Variants in TNIP1 observed in about 807,000 individuals in gnomAD.
TNIP1 encodes the protein TNFAIP3 interacting protein 1.
TNIP1 carries 22 observed loss-of-function variants against 86.6 expected under a neutral mutation model. That is an observed-to-expected ratio of 0.25 (90% CI 0.18 to 0.36). The LOEUF (loss-of-function observed/expected upper bound fraction) is 0.36. Among genes scored for constraint, TNIP1 ranks in the 10% least tolerant of loss-of-function variants. TNIP1 has a pLI of 1.00. For synonymous variants in TNIP1, 294 were observed against 313.0 expected (o/e 0.94, Z 0.64); for missense variants, 709 against 820.6 (o/e 0.86, Z 1.66).
chr5:151,035,173 C>G (rs1757533828), intron 14 of TNIP1, 106 bp from the exon 15 acceptor site: 3 of 1,314,374 alleles, frequency 2.3e-6, no homozygotes. Context: ...TGATGCTTCC[C>G]TCTGGGCCAC....
Position 151,030,553 on chromosome 5 carries a change from C to T in TNIP1, c.*160G>A, listed in dbSNP as rs1472366630. 4.3e-6 allele frequency: 5 copies of T among 1,164,180 alleles called. No individual in the cohort carries two copies. Among genetic ancestry groups the T allele is most frequent in the Non-Finnish European group, 6.2e-6 (5 of 808,232 alleles). The allele number at this position is 1,164,180 out of a possible 1,614,324, so 72.1% of individuals were successfully genotyped here. On this transcript the variant is annotated 3_prime_UTR_variant, in exon 18 of 18. Coordinates refer to ENST00000521591, the MANE Select transcript of TNIP1 (RefSeq NM_006058.5). ...GGTGGAGCCTCCCCAGTCCTGTAAA[C>T]AGCTCAGTTCAGGGACTGGTGTACA...
chr5:151,046,871 G>A (rs1215362420), intron 8 of TNIP1, among the ~76,000 whole-genome samples: 1 of 152,120 alleles, frequency 6.6e-6, no homozygotes, highest in Non-Finnish European at 1.5e-5. Flanking sequence ...TAAATAAATG[G>A]GGGAGAAGGG....
intron 11 of TNIP1, among the ~76,000 whole-genome samples, chr5:151,040,461 C>G (rs1758275015): frequency 6.6e-6 from 1 of 152,194 alleles, no homozygotes; most frequent in African/African-American, 2.4e-5. Flanking sequence ...CATCAAGAGG[C>G]TCCCGGATGG....
At chr5:151,033,228 GA>G (rs1286658445) in intron 16 of TNIP1, among the ~76,000 whole-genome samples, 1 of 151,768 alleles carries the variant, frequency 6.6e-6, no homozygotes, top group Non-Finnish European at 1.5e-5. Flanking sequence ...GAGAGGAAAG[GA>G]AAGGAAAGAG....
intron 1 of TNIP1, among the ~76,000 whole-genome samples, chr5:151,076,336 A>C (rs1443129424): frequency 6.6e-6 from 1 of 152,192 alleles, no homozygotes. Context: ...CAGGCACTGC[A>C]GGCATGTGGG....
chr5:151,077,503 C>T (rs978403020), intron 1 of TNIP1, among the ~76,000 whole-genome samples: 1 of 152,196 alleles, frequency 6.6e-6, no homozygotes, highest in African/African-American at 2.4e-5. Flanking sequence ...ACACACTATC[C>T]CATTAATTCC....
At chr5:151,041,615 C>T (rs185210742) in intron 11 of TNIP1, among the ~76,000 whole-genome samples, 6 of 152,354 alleles carry the variant, frequency 3.9e-5, no homozygotes, top group African/African-American at 1.4e-4. Flanking sequence ...AATCCTCCCA[C>T]CTCGGCATCC....
chr5:151,035,552 G>A (rs544929690), intron 14 of TNIP1, 30 bp downstream of exon 14: 1 of 1,614,132 alleles, frequency 6.2e-7, no homozygotes, highest in Admixed American at 1.7e-5. Context: ...GGACAGGCCA[G>A]TTGCCCTTCC....
intron 4 of TNIP1, 23 bp downstream of exon 4, chr5:151,062,104 C>T: frequency 1.2e-6 from 2 of 1,612,416 alleles, no homozygotes; most frequent in Non-Finnish European, 1.7e-6. Context: ...CAACCTCCAC[C>T]CATGACTCCA....
At chr5:151,045,815 G>T in intron 9 of TNIP1, 46 bp downstream of exon 9, 1 of 1,591,038 alleles carries the variant, frequency 6.3e-7, no homozygotes, top group South Asian at 1.1e-5. Flanking sequence ...TGCTGGTCCC[G>T]GGAGGTAAGA....
rs143556268 is a variant in TNIP1, at chr5:151,064,996, G to C, written c.100C>G (p.Arg34Gly). 145 of 1,614,042 alleles carry C rather than the reference G, an allele frequency of 9.0e-5. No individual in the cohort carries two copies. The highest frequency in any genetic ancestry group is 1.2e-4 in the Non-Finnish European group (138 of 1,180,038). The change falls in exon 2 of 18, where the codon CGG (arginine) becomes GGG (glycine). Residue 34 changes from arginine to glycine, a missense_variant. Physicochemically the swap from Arg to Gly is moderately radical, Grantham distance 125 (BLOSUM62 -2). Coordinates refer to ENST00000521591, the MANE Select transcript of TNIP1 (RefSeq NM_006058.5). Reference protein sequence around the residue: ...AFERLVKENSRLKEKMQGIKM... With the variant: ...AFERLVKENSGLKEKMQGIKM... ...ATCCCTTGCATTTTTTCCTTCAGCC[G>C]GGAATTCTCCTTCACTAGGCGCTCA...
In TNIP1 at chr5:151,049,727, CT is replaced by C. The variant is rs1388560416; in HGVS notation, c.846+96del. Reference sequence around the variant, plus strand: ...TAGAACCTTCTACCACTGGCACTGGCTGCAGGAGGGAGGAGGCTCACTGTCA... The same window carrying C: ...TAGAACCTTCTACCACTGGCACTGGCGCAGGAGGGAGGAGGCTCACTGTCA... On this transcript the variant is annotated intron_variant, in intron 8 of 17. Coordinates refer to ENST00000521591, the MANE Select transcript of TNIP1 (RefSeq NM_006058.5). 9 of 1,451,508 alleles carry C rather than the reference CT, an allele frequency of 6.2e-6. No homozygotes were observed. In the African/African-American group the frequency reaches 7.0e-5, roughly 11 times the overall value. 89.9% of individuals were successfully genotyped at this position (1,451,508 alleles called of 1,614,324 possible).
intron 6 of TNIP1, among the ~76,000 whole-genome samples, chr5:151,055,502 C>A (rs1345111665): frequency 6.6e-6 from 1 of 152,208 alleles, no homozygotes; most frequent in Non-Finnish European, 1.5e-5. Context: ...TGAAGCCTCA[C>A]TGACATCTTA....
rs532395860 is a variant in TNIP1 at position 151,062,078 on chromosome 5, T to A, written c.357+49A>T. 2.0e-6 allele frequency: 3 copies of A among 1,529,504 alleles called. No homozygotes were observed. In the South Asian group the frequency reaches 3.4e-5, roughly 17 times the overall value. The allele number at this position is 1,529,504 out of a possible 1,614,324, so 94.7% of individuals were successfully genotyped here. On this transcript the variant is annotated intron_variant, in intron 4 of 17. Coordinates refer to ENST00000521591, the MANE Select transcript of TNIP1 (RefSeq NM_006058.5). Reference sequence around the variant, plus strand: ...ATGTTCTTGTATCTGTCAGTAGGACTTGAGGTCCATCCAGGCAACCTCCAC... The same window carrying A: ...ATGTTCTTGTATCTGTCAGTAGGACATGAGGTCCATCCAGGCAACCTCCAC...
At chr5:151,046,210 T>C in intron 8 of TNIP1, 1 of 477,776 alleles carries the variant, frequency 2.1e-6, no homozygotes, top group Non-Finnish European at 3.8e-6. Flanking sequence ...CTACGGTCAT[T>C]CTCCCTGTTT....
intron 9 of TNIP1, among the ~76,000 whole-genome samples, chr5:151,045,287 G>A (rs926456323): frequency 6.6e-6 from 1 of 152,012 alleles, no homozygotes; most frequent in Non-Finnish European, 1.5e-5. Flanking sequence ...ACAGGGTTTC[G>A]CCATGTTGGC....
intron 12 of TNIP1, among the ~76,000 whole-genome samples, chr5:151,038,867 G>T (rs1159722454): frequency 2.6e-5 from 4 of 152,092 alleles, no homozygotes; most frequent in Admixed American, 2.6e-4. Context: ...GGCAGGTGAG[G>T]CACAAGGGGA....
At chr5:151,036,073 AG>A (rs1488164402) in intron 13 of TNIP1, among the ~76,000 whole-genome samples, 2 of 152,246 alleles carry the variant, frequency 1.3e-5, no homozygotes, top group Non-Finnish European at 2.9e-5. Context: ...TTCTGAGGGC[AG>A]AGACCCTACA....
At position 151,042,674 on chromosome 5, in the gene TNIP1, G is replaced by A. The variant is rs774363830; in HGVS notation, c.1003-3C>T. 2.5e-6 allele frequency: 4 copies of A among 1,613,766 alleles called. No homozygotes were observed. Among genetic ancestry groups the A allele is most frequent in the Non-Finnish European group, 2.5e-6 (3 of 1,180,020 alleles). On this transcript the variant is annotated splice_polypyrimidine_tract_variant and splice_region_variant and intron_variant, in intron 10 of 17. Coordinates refer to ENST00000521591, the MANE Select transcript of TNIP1 (RefSeq NM_006058.5). ...AGCTTCTGACGCAGCTCAGTGATCT[G>A]GGTTCAGAGGCAGAGAGGAGTGTGT...
Sources: allele counts gnomAD v4.1 joint callset (sites outside exome capture counted in the v4.1 genomes callset), GRCh38; gene constraint gnomAD v4.1.1; transcripts MANE v1.5; gene names NCBI Gene and HGNC (gene_info 2026-07-23, HGNC 2026-07-21).